Variants in FHIT observed in about 807,000 individuals in gnomAD.
The protein encoded by FHIT is fragile histidine triad diadenosine triphosphatase.
In FHIT, 19 loss-of-function variants were observed where a neutral mutation model predicts 17.9. The observed-to-expected ratio is 1.06, with a 90% CI of 0.74 to 1.56. The LOEUF (loss-of-function observed/expected upper bound fraction) is 1.56. Among genes scored for constraint, FHIT ranks in the 40% most tolerant of loss-of-function variants. The pLI, the probability that FHIT is intolerant of heterozygous loss-of-function variation, is 0.00. For missense variants in FHIT, 248 were observed against 189.2 expected, an observed-to-expected ratio of 1.31 and a Z score of -1.82; for synonymous variants, 81 against 69.7, an observed-to-expected ratio of 1.16 and a Z score of -0.81.
intron 7 of FHIT, among the ~76,000 whole-genome samples, chr3:59,962,496 T>C (rs909250456): frequency 2.6e-5 from 4 of 152,186 alleles, no homozygotes; most frequent in Admixed American, 2.0e-4. Flanking sequence ...AGAGGAAATA[T>C]GTCATTTGTG....
At chr3:60,623,431 C>G (rs782335092) in intron 4 of FHIT, among the ~76,000 whole-genome samples, 1 of 152,162 alleles carries the variant, frequency 6.6e-6, no homozygotes, top group Non-Finnish European at 1.5e-5. Flanking sequence ...AGTCCCAGAG[C>G]TAATAAATGA....
intron 1 of FHIT, among the ~76,000 whole-genome samples, chr3:61,220,677 A>T (rs1417287123): frequency 3.9e-5 from 6 of 152,222 alleles, no homozygotes; most frequent in Non-Finnish European, 8.8e-5. Flanking sequence ...TACATCTTCT[A>T]GAACACTGTC....
chr3:60,294,864 TC>T (rs1256560345), intron 5 of FHIT, among the ~76,000 whole-genome samples: 5 of 152,154 alleles, frequency 3.3e-5, no homozygotes, highest in African/African-American at 1.2e-4. Context: ...TATCAATAGT[TC>T]ATCTGAATGC....
intron 5 of FHIT, among the ~76,000 whole-genome samples, chr3:60,388,254 C>G (rs1054680116): frequency 6.6e-6 from 1 of 152,132 alleles, no homozygotes; most frequent in African/African-American, 2.4e-5. Context: ...TGATGAATAA[C>G]TCACCTCAAA....
chr3:61,141,199 G>T (rs763713859), intron 2 of FHIT, among the ~76,000 whole-genome samples: 16 of 151,946 alleles, frequency 1.1e-4, no homozygotes, highest in Non-Finnish European at 2.2e-4. Context: ...ACTCAGAACA[G>T]GACCACCTGC....
chr3:61,225,218 C>A (rs992981111), intron 1 of FHIT, among the ~76,000 whole-genome samples: 1 of 152,162 alleles, frequency 6.6e-6, no homozygotes, highest in Non-Finnish European at 1.5e-5. Flanking sequence ...TTTCAGACCA[C>A]CAGATGCTTA....
chr3:61,073,516 A>G (rs2034875194), intron 2 of FHIT, among the ~76,000 whole-genome samples: 1 of 152,220 alleles, frequency 6.6e-6, no homozygotes, highest in African/African-American at 2.4e-5. Flanking sequence ...AGTGAAAAAT[A>G]AAATATATGT....
At position 59,800,874 on chromosome 3, in the gene FHIT, GAAGAA is replaced by G. The variant is rs534043874; in HGVS notation, c.349-48558_349-48554del. 1.1e-4 allele frequency among the ~76,000 whole-genome samples: 17 copies of G among 152,250 alleles called. No individual in the cohort carries two copies. The South Asian group carries it at 2.9e-3, about 26-fold the overall frequency. On this transcript the variant is annotated intron_variant, in intron 8 of 9. Coordinates refer to ENST00000492590, the MANE Select transcript of FHIT (RefSeq NM_002012.4). ...GGGGAGGGTGAGAGAGGGAAGGGAAGAAGAAAAGAGGCCACATTTCGTGATCTCCT... is the reference window on the plus strand; with the variant it reads ...GGGGAGGGTGAGAGAGGGAAGGGAAGAAGAGGCCACATTTCGTGATCTCCT...
chr3:61,120,586 T>C (rs1403178366), intron 2 of FHIT, among the ~76,000 whole-genome samples: 1 of 152,136 alleles, frequency 6.6e-6, no homozygotes, highest in African/African-American at 2.4e-5. Context: ...CAGAAATGCC[T>C]TTAGAAATCC....
At chr3:60,826,352 C>T (rs1452606575) in intron 3 of FHIT, among the ~76,000 whole-genome samples, 5 of 151,636 alleles carry the variant, frequency 3.3e-5, no homozygotes, top group Admixed American at 6.6e-5. Context: ...TTGAGATGGA[C>T]TTTCACACTT....
chr3:60,630,241 AG>A (rs1434013864), intron 4 of FHIT, among the ~76,000 whole-genome samples: 4 of 152,214 alleles, frequency 2.6e-5, no homozygotes, highest in Non-Finnish European at 5.9e-5. Context: ...TGACACAACT[AG>A]TGTGATTCCA....
rs530742473 is a variant in FHIT at position 60,842,833 on chromosome 3, G to A, written c.-110-20822C>T. Among the ~76,000 whole-genome samples, 25 of 151,712 alleles carry A rather than the reference G, an allele frequency of 1.6e-4. 1 individual carries two copies. Among genetic ancestry groups the A allele is most frequent in the Middle Eastern group, 3.4e-3 (1 of 294 alleles). ...GTGGTTTAGGAGCAGAGGATCACCCGTACTACTGTGCTATCCATCCCAGCT... is the reference window on the plus strand; with the variant it reads ...GTGGTTTAGGAGCAGAGGATCACCCATACTACTGTGCTATCCATCCCAGCT... On this transcript the variant is annotated intron_variant, in intron 3 of 9. Transcript: ENST00000492590.
intron 5 of FHIT, among the ~76,000 whole-genome samples, chr3:60,429,427 A>G (rs1446052448): frequency 6.6e-6 from 1 of 152,042 alleles, no homozygotes; most frequent in African/African-American, 2.4e-5. Context: ...ACCCAAGCAA[A>G]AAGAAGGAAG....
intron 8 of FHIT, among the ~76,000 whole-genome samples, chr3:59,895,799 G>T (rs552152467): frequency 6.6e-6 from 1 of 152,302 alleles, no homozygotes; most frequent in Non-Finnish European, 1.5e-5. Flanking sequence ...TCCCTCTTGT[G>T]TTTAAAACTT....
intron 5 of FHIT, among the ~76,000 whole-genome samples, chr3:60,308,996 T>C (rs985333396): frequency 2.0e-5 from 3 of 152,032 alleles, no homozygotes; most frequent in Non-Finnish European, 4.4e-5. Context: ...AAAATGGAGT[T>C]TTTAAGATAT....
chr3:60,968,050 A>C (rs2107521424), intron 3 of FHIT, among the ~76,000 whole-genome samples: 1 of 152,360 alleles, frequency 6.6e-6, no homozygotes, highest in Middle Eastern at 3.4e-3. Flanking sequence ...GGTAAACAAA[A>C]ACAATTTTTA....
At chr3:60,378,190 C>T (rs1177031793) in intron 5 of FHIT, among the ~76,000 whole-genome samples, 1 of 151,876 alleles carries the variant, frequency 6.6e-6, no homozygotes, top group African/African-American at 2.4e-5. Context: ...CTATGCCCGG[C>T]TAATTTTTTG....
At chr3:60,585,980 T>C (rs1408074205) in intron 4 of FHIT, among the ~76,000 whole-genome samples, 2 of 151,942 alleles carry the variant, frequency 1.3e-5, no homozygotes, top group Non-Finnish European at 2.9e-5. Flanking sequence ...GTATTATCCA[T>C]ACATTTTAAA....
intron 7 of FHIT, among the ~76,000 whole-genome samples, chr3:59,986,958 T>C (rs1709000122): frequency 8.0e-6 from 1 of 125,368 alleles, no homozygotes; most frequent in Non-Finnish European, 1.6e-5. Flanking sequence ...TATATGTATA[T>C]ATGTATAGGA....
Sources: allele counts gnomAD v4.1 joint callset (sites outside exome capture counted in the v4.1 genomes callset), GRCh38; gene constraint gnomAD v4.1.1; transcripts MANE v1.5; gene names NCBI Gene and HGNC (gene_info 2026-07-23, HGNC 2026-07-21).